The following TGM5 variants were observed in gnomAD, a reference collection of about 807,000 sequenced individuals.
TGM5 encodes protein-glutamine gamma-glutamyltransferase 5.
In TGM5, 69 loss-of-function variants were observed where a neutral mutation model predicts 77.2. The ratio of observed to expected loss-of-function variants is 0.89; its 90% CI spans 0.74 to 1.09. TGM5 has a LOEUF of 1.09. Ranked by LOEUF, TGM5 falls within the 50% of genes least tolerant of loss-of-function variation. The pLI, the probability that TGM5 is intolerant of heterozygous loss-of-function variation, is 0.00. For synonymous variants in TGM5, 346 were observed against 351.8 expected, an observed-to-expected ratio of 0.98 and a Z score of 0.18; for missense variants, 842 against 896.5, an observed-to-expected ratio of 0.94 and a Z score of 0.78.
At chr15:43,236,297 G>C (rs1436093728) in intron 9 of TGM5, among the ~76,000 whole-genome samples, 1 of 152,160 alleles carries the variant, frequency 6.6e-6, no homozygotes, top group Admixed American at 6.5e-5. Flanking sequence ...GGCATGGTGT[G>C]ATGTCCTGTT....
intron 7 of TGM5, among the ~76,000 whole-genome samples, chr15:43,240,591 A>G (rs367666260): frequency 2.6e-5 from 4 of 151,956 alleles, no homozygotes; most frequent in Admixed American, 2.6e-4. Flanking sequence ...GACAAAGATG[A>G]AAACCTCAAC....
At position 43,235,949 on chromosome 15, in the gene TGM5, C is replaced by G. The variant is rs866022171; in HGVS notation, c.1346-112G>C. The G allele has an allele frequency of 9.8e-5, 143 of 1,454,654 alleles. No individual in the cohort carries two copies. In the African/African-American group the frequency reaches 1.9e-3, roughly 19 times the overall value. The allele number at this position is 1,454,654 out of a possible 1,614,324, so 90.1% of individuals were successfully genotyped here. A position where few individuals can be genotyped will look rare whatever the true frequency, so the allele number is the denominator to read the frequency against. On this transcript the variant is annotated intron_variant, in intron 9 of 12. Coordinates refer to ENST00000220420, the MANE Select transcript of TGM5 (RefSeq NM_201631.4). ...CCACCAACAACTTCAGGCCTTCACT[C>G]CCAGTAACAAGCACTCCCTCCACTC...
rs558587882 is a variant in TGM5, at chr15:43,249,408, A to C, written c.862+3351T>G. Among the ~76,000 whole-genome samples, 45 of 152,322 alleles carry C rather than the reference A, an allele frequency of 3.0e-4. No homozygotes were observed. In the South Asian group the frequency reaches 3.3e-3, roughly 11 times the overall value. ...TCACCTCAAAAGGAAACCTCATTACATTAGCAGTCACTCCCAACTATCCCC... is the reference window on the plus strand; with the variant it reads ...TCACCTCAAAAGGAAACCTCATTACCTTAGCAGTCACTCCCAACTATCCCC... On this transcript the variant is annotated intron_variant, in intron 6 of 12. Transcript: ENST00000220420.
intron 6 of TGM5, among the ~76,000 whole-genome samples, chr15:43,246,610 A>C (rs886655750): frequency 2.6e-5 from 4 of 152,204 alleles, no homozygotes; most frequent in African/African-American, 9.7e-5. Context: ...AGAACTCAGC[A>C]GTCTTAACAA....
chr15:43,259,182 C>G (rs1385606381), intron 3 of TGM5, among the ~76,000 whole-genome samples: 1 of 152,092 alleles, frequency 6.6e-6, no homozygotes, highest in Middle Eastern at 3.2e-3. Context: ...TACTCCTGAC[C>G]CCTTCTGCCC....
At chr15:43,245,942 G>A (rs1018279628) in intron 6 of TGM5, among the ~76,000 whole-genome samples, 11 of 151,612 alleles carry the variant, frequency 7.3e-5, no homozygotes, top group Admixed American at 5.2e-4. Context: ...CCTTCACAAT[G>A]AGCACTACAA....
At chr15:43,253,825 G>A (rs1025925610) in intron 4 of TGM5, among the ~76,000 whole-genome samples, 191 bp from the exon 5 acceptor site, 1 of 152,120 alleles carries the variant, frequency 6.6e-6, no homozygotes, top group Non-Finnish European at 1.5e-5. Context: ...AATTCACCTG[G>A]TGCATATGCC....
intron 1 of TGM5, among the ~76,000 whole-genome samples, chr15:43,264,818 A>G (rs555723965): frequency 6.0e-4 from 91 of 152,348 alleles, no homozygotes; most frequent in African/African-American, 2.2e-3. Context: ...AACCAAATTG[A>G]CTGTGCCAAA....
intron 4 of TGM5, among the ~76,000 whole-genome samples, chr15:43,256,339 C>T (rs1460025192): frequency 6.6e-6 from 1 of 152,222 alleles, no homozygotes; most frequent in Non-Finnish European, 1.5e-5. Flanking sequence ...GTGCCTTTAA[C>T]TGCCCTTACC....
intron 12 of TGM5, 21 bp from the exon 13 acceptor site, chr15:43,233,365 T>C: frequency 6.2e-7 from 1 of 1,613,068 alleles, no homozygotes; most frequent in East Asian, 2.2e-5. Flanking sequence ...GAATGGAGCA[T>C]GTCAGAAAAC....
chr15:43,241,077 A>G (rs1373165541), intron 6 of TGM5, 87 bp from the exon 7 acceptor site: 23 of 1,568,604 alleles, frequency 1.5e-5, no homozygotes, highest in Non-Finnish European at 2.0e-5. Flanking sequence ...ACCTGGGGAA[A>G]TCTTCCATTT....
In TGM5 at chr15:43,266,823, A is replaced by C; in HGVS notation, c.10+17T>G. ...TTCTTATCCCTGAACTCCAGTGGCC[A>C]CAGGGGCTTTCCCTACCTTGGGCCA... is the stretch of plus-strand genomic sequence containing the variant. On this transcript the variant is annotated intron_variant, in intron 1 of 12. Transcript: ENST00000220420. 6.2e-7 allele frequency: 1 copy of C among 1,613,960 alleles called. No individual in the cohort carries two copies. Among genetic ancestry groups the C allele is most frequent in the East Asian group, 2.2e-5 (1 of 44,886 alleles).
intron 5 of TGM5, 76 bp from the exon 6 acceptor site, chr15:43,253,012 A>G: frequency 6.7e-7 from 1 of 1,502,620 alleles, no homozygotes; most frequent in Non-Finnish European, 9.2e-7. Context: ...GCCTTGGAAG[A>G]CCCATGGGCC....
Position 43,261,083 on chromosome 15 carries a change from T to TG in TGM5, c.11-505_11-504insC, listed in dbSNP as rs1439858582. ...TCCTTTTTTTGTGTGTGTGTTTTTT[T>TG]TTTTTTTTTTTTTTTTTTTTTTTTG... On this transcript the variant is annotated intron_variant, in intron 1 of 12. Transcript: ENST00000220420. Among the ~76,000 whole-genome samples, 347 of 68,210 alleles carry TG rather than the reference T, an allele frequency of 5.1e-3. 9 individuals are homozygous for TG. The highest frequency in any genetic ancestry group is 0.035 in the East Asian group (83 of 2,354). The allele number at this position is 68,210 out of a possible 152,430, so 44.7% of individuals were successfully genotyped here.
Position 43,266,913 on chromosome 15 carries a change from A to G in TGM5, c.-64T>C. On this transcript the variant is annotated 5_prime_UTR_variant, in exon 1 of 13. Coordinates refer to ENST00000220420, the MANE Select transcript of TGM5 (RefSeq NM_201631.4). ...CAGCTGGGCGGTCTGGAGCTTCAGCAAACTGGTGCCAGAGTGTCTACTTCC... is the reference window on the plus strand; with the variant it reads ...CAGCTGGGCGGTCTGGAGCTTCAGCGAACTGGTGCCAGAGTGTCTACTTCC... 5 of 1,609,484 alleles carry G rather than the reference A, an allele frequency of 3.1e-6. No homozygotes were observed. The highest frequency in any genetic ancestry group is 4.2e-6 in the Non-Finnish European group (5 of 1,177,238).
chr15:43,265,539 GAA>G, intron 1 of TGM5, among the ~76,000 whole-genome samples: 1 of 152,312 alleles, frequency 6.6e-6, no homozygotes, highest in South Asian at 2.1e-4. Context: ...CCTAAGACAG[GAA>G]TGACTCTTCA....
Position 43,242,715 on chromosome 15 carries a change from G to A in TGM5, c.863-1725C>T, listed in dbSNP as rs150954041. ...AGCCCAAAGGGAGCCTTGAGCTCGCGTGGCAGGTTTGAACAGGGCTGAAGA... is the reference window on the plus strand; with the variant it reads ...AGCCCAAAGGGAGCCTTGAGCTCGCATGGCAGGTTTGAACAGGGCTGAAGA... On this transcript the variant is annotated intron_variant, in intron 6 of 12. Transcript: ENST00000220420. Among the ~76,000 whole-genome samples the A allele has an allele frequency of 3.5e-4, 54 of 152,316 alleles. No homozygotes were observed. In the East Asian group the frequency reaches 0.01, roughly 29 times the overall value.
intron 6 of TGM5, chr15:43,247,838 T>C (rs1176994788): frequency 1.3e-5 from 2 of 152,200 alleles, no homozygotes; most frequent in Non-Finnish European, 2.9e-5. Flanking sequence ...ATACAATAGA[T>C]GAAACCAAAA....
chr15:43,238,836 C>G lies in TGM5; in HGVS notation c.1326G>C (p.Glu442Asp). ...IQSDERDDIT[E>D]NYKYEEGSLQ... ...ACTTACCTTCTTCATACTTGTAGTT[C>G]TCTGTGATGTCATCCCGCTCGTCAC... The change falls in exon 9 of 13, where the codon GAG (glutamate) becomes GAC (aspartate). Residue 442 changes from glutamate to aspartate, a missense_variant. Glu to Asp is a conservative substitution (Grantham distance 45). Around this residue, in one of 2 missense-constraint regions of TGM5, gnomAD observed 815 missense variants for 844.6 expected, o/e 0.96. Coordinates refer to ENST00000220420, the MANE Select transcript of TGM5 (RefSeq NM_201631.4). The G allele has an allele frequency of 6.2e-7, 1 of 1,614,050 alleles. No homozygotes were observed. Among genetic ancestry groups the G allele is most frequent in the African/African-American group, 1.3e-5 (1 of 75,012 alleles).
Sources: allele counts gnomAD v4.1 joint callset (sites outside exome capture counted in the v4.1 genomes callset), GRCh38; gene constraint gnomAD v4.1.1; regional missense constraint gnomAD v4.1.1; transcripts MANE v1.5; gene names NCBI Gene and HGNC (gene_info 2026-07-23, HGNC 2026-07-21).